The following IFT172 variants were observed in gnomAD, a reference collection of about 807,000 sequenced individuals.
The protein encoded by IFT172 is intraflagellar transport 172, also known as intraflagellar transport protein 172 homolog.
Under a neutral mutation model 248.9 loss-of-function variants are expected in IFT172, and 164 were observed. The ratio of observed to expected loss-of-function variants is 0.66; its 90% CI spans 0.58 to 0.75. IFT172 has a LOEUF of 0.75. Ranked by LOEUF, IFT172 falls within the 30% of genes least tolerant of loss-of-function variation. IFT172 has a pLI of 0.00. For synonymous variants in IFT172, 729 were observed against 791.6 expected (o/e 0.92, Z 1.33); for missense variants, 1,950 against 2,192.4 (o/e 0.89, Z 2.21).
chr2:27,449,822 T>A, intron 36 of IFT172, 22 bp from the exon 37 acceptor site: 5 of 1,556,822 alleles, frequency 3.2e-6, no homozygotes, highest in South Asian at 1.1e-5. Flanking sequence ...GAAATCAGCG[T>A]GGAGACTTTC....
Position 27,458,166 on chromosome 2 carries a change from G to C in IFT172, c.2935C>G (p.Gln979Glu). The change falls in exon 27 of 48, where the codon CAG (glutamine) becomes GAG (glutamate). Residue 979 changes from glutamine (Q) to glutamate (E), a missense_variant. Physicochemically the swap from Gln to Glu is conservative, Grantham distance 29. Transcript: ENST00000260570. The stretch of plus-strand genomic sequence containing the variant: ...TACTTGCCCTGCTTCTCCATTTCCT[G>C]GGCCTGAGTGATGTATAGCACTGAC... ...DVSVLYITQA[Q>E]EMEKQGKYRE... The C allele has an allele frequency of 6.2e-7, 1 of 1,614,150 alleles. No homozygotes were observed. The highest frequency in any genetic ancestry group is 1.7e-5 in the Admixed American group (1 of 60,016).
chr2:27,449,931 T>C, intron 36 of IFT172, 67 bp downstream of exon 36: 4 of 1,459,086 alleles, frequency 2.7e-6, no homozygotes, highest in Non-Finnish European at 1.9e-6. Flanking sequence ...CCTTCCTGGG[T>C]GTAGATGTCA....
intron 10 of IFT172, among the ~76,000 whole-genome samples, chr2:27,478,718 C>A (rs865989540): frequency 1.2e-4 from 19 of 152,148 alleles, no homozygotes; most frequent in African/African-American, 4.6e-4. Flanking sequence ...ACACTGCTGA[C>A]ACATAGTAGA....
At chr2:27,470,765 G>T in intron 16 of IFT172, 163 bp downstream of exon 16, 1 of 584,348 alleles carries the variant, frequency 1.7e-6, no homozygotes, top group Admixed American at 3.8e-5. Context: ...TCTGAAAAAG[G>T]ATGGTTCTGG....
chr2:27,449,891 C>A, intron 36 of IFT172, 91 bp from the exon 37 acceptor site: 2 of 1,396,586 alleles, frequency 1.4e-6, no homozygotes, highest in South Asian at 1.2e-5. Flanking sequence ...GGACTGCAAG[C>A]CATGCCCACC....
chr2:27,481,379 A>G (rs759661675), intron 7 of IFT172, 119 bp from the exon 8 acceptor site: 105 of 725,242 alleles, frequency 1.4e-4, no homozygotes, highest in Non-Finnish European at 3.4e-5. Flanking sequence ...CTCTTCCAAC[A>G]TTTCCCTATC....
At chr2:27,465,093 T>G in intron 18 of IFT172, 1 of 263,864 alleles carries the variant, frequency 3.8e-6, no homozygotes, top group South Asian at 6.0e-5. Context: ...GGCTAATTTT[T>G]GTATTTTTAG....
intron 9 of IFT172, 49 bp from the exon 10 acceptor site, chr2:27,479,653 C>T: frequency 8.7e-7 from 1 of 1,152,010 alleles, no homozygotes; most frequent in Non-Finnish European, 1.3e-6. Flanking sequence ...AGTACACTGG[C>T]ATGGGGAGAG....
intron 7 of IFT172, among the ~76,000 whole-genome samples, chr2:27,483,049 C>CTG (rs985363335): frequency 1.4e-5 from 2 of 146,700 alleles, no homozygotes; most frequent in Non-Finnish European, 3.0e-5. Flanking sequence ...GTCACCCAGG[C>CTG]TGTAGTGCAG....
intron 40 of IFT172, 35 bp from the exon 41 acceptor site, chr2:27,447,957 GC>G (rs1665300998): frequency 7.7e-7 from 1 of 1,295,146 alleles, no homozygotes; most frequent in East Asian, 2.3e-5. Context: ...TCTGAGAAGG[GC>G]ATAGCTAGAA....
chr2:27,453,408 G>A lies in IFT172; in HGVS notation c.3927C>T (p.Gly1309=), dbSNP rs768633686. ...CCTTCATCCAGCACTTCTCCGCCAG[G>A]CCGCTGTTTCCAGAGTCTCGCACTT... ...YLKVRDSGNS[G]LAEKCWMKAA... The change falls in exon 35 of 48, where the codon GGC becomes GGT. Residue 1309 remains glycine (G), a synonymous_variant. Coordinates refer to ENST00000260570, the MANE Select transcript of IFT172 (RefSeq NM_015662.3). 1.9e-6 allele frequency: 3 copies of A among 1,614,210 alleles called. No homozygotes were observed. The highest frequency in any genetic ancestry group is 2.2e-5 in the South Asian group (2 of 91,086).
intron 42 of IFT172, 29 bp downstream of exon 42, chr2:27,447,486 G>A: frequency 6.2e-7 from 1 of 1,610,372 alleles, no homozygotes; most frequent in Non-Finnish European, 8.5e-7. Context: ...CCTTCTGACT[G>A]AGTGTTCCTT....
In IFT172 at chr2:27,445,732, C is replaced by T; in HGVS notation, c.4914+13G>A. 6.2e-7 allele frequency: 1 copy of T among 1,614,096 alleles called. No individual in the cohort carries two copies. The highest frequency in any genetic ancestry group is 8.5e-7 in the Non-Finnish European group (1 of 1,179,966). The stretch of plus-strand genomic sequence containing the variant: ...TGGTGAGGCCTTCCGGTTTTCCAAC[C>T]CTGTGCCCTTACCGGTACATGCTGC... On this transcript the variant is annotated intron_variant, in intron 45 of 47. Transcript: ENST00000260570. This position sits in a 1 kb window ranked among gnomAD's most constrained non-coding sequence, Gnocchi z 4.4.
rs769331570 is a variant in IFT172, at chr2:27,444,450, G to T, written c.5232C>A (p.Thr1744=). 2 of 1,612,786 alleles carry T rather than the reference G, an allele frequency of 1.2e-6. No homozygotes were observed. The highest frequency in any genetic ancestry group is 2.2e-5 in the South Asian group (2 of 90,794). The part of the protein sequence containing the change: ...ISQWCGGLPS[T]SFSFQ ...CTACCAACTACTGAAAGGAAAAGCT[G>T]GTGCTGGGGAGCCCTCCACACCACT... The change falls in exon 48 of 48, where the codon ACC becomes ACA. Residue 1744 remains threonine, a synonymous_variant. Transcript: ENST00000260570.
At chr2:27,465,335 G>A in intron 18 of IFT172, 76 bp downstream of exon 18, 1 of 1,228,974 alleles carries the variant, frequency 8.1e-7, no homozygotes, top group Non-Finnish European at 1.2e-6. Flanking sequence ...CCGGATTGGA[G>A]TAGCCCACAG....
At chr2:27,450,154 C>T in intron 35 of IFT172, 58 bp from the exon 36 acceptor site, 1 of 1,269,280 alleles carries the variant, frequency 7.9e-7, no homozygotes, top group South Asian at 1.3e-5. Context: ...GCTGAGTCCT[C>T]AGCCTCATCC....
At chr2:27,461,155 C>G in intron 22 of IFT172, 62 bp from the exon 23 acceptor site, 1 of 1,613,596 alleles carries the variant, frequency 6.2e-7, no homozygotes, top group Non-Finnish European at 8.5e-7. Flanking sequence ...GTATTAGCTC[C>G]GAAAACAAGG....
chr2:27,470,687 T>C (rs1558396178), intron 16 of IFT172: 1 of 371,492 alleles, frequency 2.7e-6, no homozygotes, highest in East Asian at 4.1e-5. Context: ...CTCCATATTA[T>C]GACCTGGTGA....
chr2:27,470,824 T>G, intron 16 of IFT172, 104 bp downstream of exon 16: 1 of 1,121,574 alleles, frequency 8.9e-7, no homozygotes, highest in East Asian at 2.6e-5. Flanking sequence ...ATCACAGAGA[T>G]TAAGGGTGGT....
Sources: gnomAD v4.1 joint callset for allele counts (sites outside exome capture counted in the v4.1 genomes callset) on GRCh38, gnomAD v4.1.1 for gene constraint, Gnocchi (gnomAD v3.1) non-coding constraint, MANE v1.5 for transcripts, NCBI Gene and HGNC (gene_info 2026-07-23, HGNC 2026-07-21) for gene names.